The following ZNF469 variants were observed in gnomAD, a reference collection of about 807,000 sequenced individuals.
ZNF469 encodes the protein zinc finger protein 469.
Under a neutral mutation model 1.0 loss-of-function variants are expected in ZNF469, and 1 was observed. That is an observed-to-expected ratio of 1.00 (90% CI 0.35 to 4.73). The LOEUF (loss-of-function observed/expected upper bound fraction) is 4.73, where lower values mean the gene tolerates loss of function less well. Among genes scored for constraint, ZNF469 ranks in the 30% most tolerant of loss-of-function variants. ZNF469 has a pLI of 0.16. For missense variants in ZNF469, 6,100 were observed against 5,356.3 expected (o/e 1.14, Z -4.33); for synonymous variants, 2,703 against 2,363.4 (o/e 1.14, Z -4.17).
the ZNF469 span, among the ~76,000 whole-genome samples, chr16:88,224,438 G>A: frequency 1.3e-5 from 2 of 152,230 alleles, no homozygotes; most frequent in Non-Finnish European, 2.9e-5. Flanking sequence ...AACATGCGCT[G>A]GAGGAAAGGG....
chr16:88,296,810 C>G, the ZNF469 span, among the ~76,000 whole-genome samples: 1 of 152,196 alleles, frequency 6.6e-6, no homozygotes, highest in African/African-American at 2.4e-5. Context: ...GTAGTGCACA[C>G]ACATGCTCAC....
the ZNF469 span, among the ~76,000 whole-genome samples, chr16:88,249,137 G>A: frequency 6.6e-6 from 1 of 151,978 alleles, no homozygotes; most frequent in Non-Finnish European, 1.5e-5. Flanking sequence ...CCATGTCCCA[G>A]GTGCCCCGAG....
At chr16:88,117,680 G>A in the ZNF469 span, among the ~76,000 whole-genome samples, 97 of 152,340 alleles carry the variant, frequency 6.4e-4, no homozygotes, top group African/African-American at 2.2e-3. Flanking sequence ...GGTGCCACGT[G>A]TCTTCGGGGA....
At chr16:88,182,969 G>T in the ZNF469 span, among the ~76,000 whole-genome samples, 1 of 152,112 alleles carries the variant, frequency 6.6e-6, no homozygotes, top group Non-Finnish European at 1.5e-5. Flanking sequence ...CAGACTAGAA[G>T]AAATTATTTA....
At chr16:88,425,165 C>G (rs965133061) in intron 2 of ZNF469, among the ~76,000 whole-genome samples, 5 of 152,354 alleles carry the variant, frequency 3.3e-5, no homozygotes, top group Admixed American at 3.3e-4. Context: ...CTTGACAAAG[C>G]CCCTGGGCAC....
At position 88,433,267 on chromosome 16, in the gene ZNF469, C is replaced by G; in HGVS notation, c.5797C>G (p.Pro1933Ala). ...GCTGACACCTGCTGCCCAGAGCCCT[C>G]CACGAGTGAACCCCTCAGGTCTGGA... is the stretch of plus-strand genomic sequence containing the variant. ...QELTPAAQSP[P>A]RVNPSGLEGG... The change falls in exon 3 of 3, where the codon CCA becomes GCA. Residue 1933 changes from proline (P) to alanine (A), a missense_variant. Transcript: ENST00000565624. 1.9e-6 allele frequency: 3 copies of G among 1,550,360 alleles called. No individual in the cohort carries two copies. The highest frequency in any genetic ancestry group is 2.6e-6 in the Non-Finnish European group (3 of 1,146,952).
chr16:88,175,057 G>A, the ZNF469 span, among the ~76,000 whole-genome samples: 1 of 152,086 alleles, frequency 6.6e-6, no homozygotes, highest in East Asian at 1.9e-4. Flanking sequence ...GTTCATAGGA[G>A]AAATTTCTTC....
Position 88,424,351 on chromosome 16 carries a change from C to G in ZNF469, c.-191-456C>G, listed in dbSNP as rs1341918848. On this transcript the variant is annotated intron_variant, in intron 1 of 2. Coordinates refer to ENST00000565624, the MANE Select transcript of ZNF469 (RefSeq NM_001367624.2). This position sits in a 1 kb window ranked among gnomAD's most constrained non-coding sequence, Gnocchi z 4.3. ...GAAGGAGGAAAGGCAGTGTGTGTTC[C>G]TGTGTGCTGGTGTTTGCATCCAGGG... Among the ~76,000 whole-genome samples, 1 of 152,194 alleles carries G rather than the reference C, an allele frequency of 6.6e-6. No individual in the cohort carries two copies. The highest frequency in any genetic ancestry group is 2.4e-5 in the African/African-American group (1 of 41,450).
the ZNF469 span, among the ~76,000 whole-genome samples, chr16:88,323,035 G>A: frequency 6.6e-6 from 1 of 152,216 alleles, no homozygotes; most frequent in Non-Finnish European, 1.5e-5. Context: ...GTTGTTAGCT[G>A]TTATTACCTG....
At chr16:88,302,101 C>T in the ZNF469 span, among the ~76,000 whole-genome samples, 2 of 152,194 alleles carry the variant, frequency 1.3e-5, no homozygotes, top group Non-Finnish European at 2.9e-5. Flanking sequence ...CTGCTGAGAA[C>T]AGCTGGGCTC....
At chr16:88,205,013 G>A in the ZNF469 span, among the ~76,000 whole-genome samples, 1 of 152,148 alleles carries the variant, frequency 6.6e-6, no homozygotes, top group Admixed American at 6.5e-5. This position sits in a 1 kb window ranked among gnomAD's most constrained non-coding sequence, Gnocchi z 4.2. Flanking sequence ...CTCGCGTTAA[G>A]GGGCAGCGCC....
chr16:88,107,546 C>T, the ZNF469 span, among the ~76,000 whole-genome samples: 5 of 152,338 alleles, frequency 3.3e-5, no homozygotes, highest in South Asian at 2.1e-4. Flanking sequence ...GTGAGATCTG[C>T]GTGGAGACAC....
chr16:88,137,227 A>G, the ZNF469 span, among the ~76,000 whole-genome samples: 6 of 152,222 alleles, frequency 3.9e-5, no homozygotes, highest in Non-Finnish European at 8.8e-5. Context: ...ATGCATGTAT[A>G]CCACCACACA....
chr16:88,439,879 G>GGCCTCCTCCTTCTGACCACAGGGTCAT lies in ZNF469; in HGVS notation c.*556_*557insTTCTGACCACAGGGTCATGCCTCCTCC, dbSNP rs1906879988. On this transcript the variant is annotated 3_prime_UTR_variant, in exon 3 of 3. Coordinates refer to ENST00000565624, the MANE Select transcript of ZNF469 (RefSeq NM_001367624.2). ...CGCCTGGTCCCCCAAGAGCACAACA[G>GGCCTCCTCCTTCTGACCACAGGGTCAT]GCCTCCTCCCTCTGACCACAGGGTC... 1 of 146,284 alleles carries GGCCTCCTCCTTCTGACCACAGGGTCAT rather than the reference G, an allele frequency of 6.8e-6. No individual in the cohort carries two copies. The highest frequency in any genetic ancestry group is 6.7e-5 in the Admixed American group (1 of 14,838). The allele number at this position is 146,284 out of a possible 1,614,324, so 9.1% of individuals were successfully genotyped here. A position where few individuals can be genotyped will look rare whatever the true frequency, so the allele number is the denominator to read the frequency against.
Position 88,383,206 on chromosome 16 carries a change from C to A in ZNF469, c.-240C>A, listed in dbSNP as rs894718900. ...GCGCTGGGGCGGCGCGGGCCGGGAG[C>A]TCGTTGGCGGCGGCCGGCGTGGCGG... On this transcript the variant is annotated 5_prime_UTR_variant, in exon 1 of 3. Transcript: ENST00000565624. Among the ~76,000 whole-genome samples the A allele has an allele frequency of 1.4e-5, 2 of 147,374 alleles. No individual in the cohort carries two copies. The highest frequency in any genetic ancestry group is 3.0e-5 in the Non-Finnish European group (2 of 66,190).
At chr16:88,208,558 G>GGAGGGAAGGAGA in the ZNF469 span, among the ~76,000 whole-genome samples, 1 of 44,528 alleles carries the variant, frequency 2.2e-5, no homozygotes, top group South Asian at 1.3e-3. Flanking sequence ...AGGGAAGGAG[G>GGAGGGAAGGAGA]GAGGGAAGGA....
chr16:88,112,436 C>T, the ZNF469 span, among the ~76,000 whole-genome samples: 83 of 152,268 alleles, frequency 5.5e-4, no homozygotes, highest in African/African-American at 1.9e-3. Flanking sequence ...CACATCCTTG[C>T]GAGCATTTGT....
the ZNF469 span, among the ~76,000 whole-genome samples, chr16:88,299,244 G>A: frequency 5.3e-4 from 80 of 151,360 alleles, no homozygotes; most frequent in African/African-American, 1.4e-3. Flanking sequence ...GGCAGCTTGC[G>A]GCGGGGTAGG....
In ZNF469 at chr16:88,436,941, G is replaced by C; in HGVS notation, c.9471G>C (p.Glu3157Asp). 2.0e-6 allele frequency: 3 copies of C among 1,491,532 alleles called. No homozygotes were observed. The highest frequency in any genetic ancestry group is 2.7e-6 in the Non-Finnish European group (3 of 1,122,130). The allele number at this position is 1,491,532 out of a possible 1,614,324, so 92.4% of individuals were successfully genotyped here. ...MCVERRFGSR[E>D]LLRGHLQERH... ...TGGAGCGCAGGTTTGGCTCGCGGGA[G>C]CTGCTGCGGGGGCACCTGCAGGAGA... The change falls in exon 3 of 3, where the codon GAG becomes GAC. Residue 3157 changes from glutamate (E) to aspartate (D), a missense_variant. Transcript: ENST00000565624.
Sources: allele counts gnomAD v4.1 joint callset (sites outside exome capture counted in the v4.1 genomes callset), GRCh38; gene constraint gnomAD v4.1.1; non-coding constraint Gnocchi (gnomAD v3.1); transcripts MANE v1.5; gene names NCBI Gene and HGNC (gene_info 2026-07-23, HGNC 2026-07-21).